RNF150: variants seen among roughly 807,000 people sequenced by gnomAD.
The protein encoded by RNF150 is ring finger protein 150.
Under a neutral mutation model 39.3 loss-of-function variants are expected in RNF150, and 24 were observed. The ratio of observed to expected loss-of-function variants is 0.61; its 90% CI spans 0.44 to 0.86. The LOEUF is 0.86. RNF150 is among the 40% of genes least tolerant of loss of function. The pLI, the probability that RNF150 is intolerant of heterozygous loss-of-function variation, is 0.00. For synonymous variants in RNF150, 255 were observed against 227.3 expected, an observed-to-expected ratio of 1.12 and a Z score of -1.10; for missense variants, 502 against 587.8, an observed-to-expected ratio of 0.85 and a Z score of 1.51.
At chr4:140,974,498 T>C (rs937969372) in intron 1 of RNF150, among the ~76,000 whole-genome samples, 3 of 152,222 alleles carry the variant, frequency 2.0e-5, no homozygotes, top group Non-Finnish European at 4.4e-5. Flanking sequence ...TAAATGTTCA[T>C]ATCTCTGGGA....
chr4:140,927,023 G>A (rs1031439430), intron 4 of RNF150, among the ~76,000 whole-genome samples: 1 of 152,166 alleles, frequency 6.6e-6, no homozygotes, highest in South Asian at 2.1e-4. Context: ...TTTCTATTCT[G>A]TTCTCTCACT....
intron 6 of RNF150, among the ~76,000 whole-genome samples, chr4:140,893,424 A>G (rs908285929): frequency 1.3e-5 from 2 of 152,252 alleles, no homozygotes; most frequent in African/African-American, 4.8e-5. Context: ...TTTGATATCA[A>G]TGCTATGTGG....
intron 1 of RNF150, among the ~76,000 whole-genome samples, chr4:141,194,532 T>C (rs1273652849): frequency 6.6e-6 from 1 of 152,210 alleles, no homozygotes; most frequent in East Asian, 1.9e-4. Context: ...TCTCAGACTG[T>C]TTTTAGGTTG....
chr4:141,067,425 T>G (rs577206340), intron 1 of RNF150, among the ~76,000 whole-genome samples: 1 of 152,198 alleles, frequency 6.6e-6, no homozygotes, highest in African/African-American at 2.4e-5. Flanking sequence ...TGCAATGAGT[T>G]GCCAGGGTAT....
At chr4:141,055,035 C>T (rs1451510096) in intron 1 of RNF150, among the ~76,000 whole-genome samples, 1 of 152,016 alleles carries the variant, frequency 6.6e-6, no homozygotes, top group East Asian at 1.9e-4. Context: ...AGTGAAACAA[C>T]TTTGGCTATA....
Position 140,860,937 on chromosome 4 carries a change from A to C in RNF150, c.*7324T>G, listed in dbSNP as rs1304176939. The C allele has an allele frequency of 2.6e-5, 4 of 152,166 alleles. No homozygotes were observed. The highest frequency in any genetic ancestry group is 9.7e-5 in the African/African-American group (4 of 41,444). The allele number at this position is 152,166 out of a possible 1,614,324, so 9.4% of individuals were successfully genotyped here. ...TCCCAGCTCATGAACATTTTAAAGA[A>C]CAATACCCATTTTTTTTTCCAGAAA... On this transcript the variant is annotated 3_prime_UTR_variant, in exon 7 of 7. Coordinates refer to ENST00000515673, the MANE Select transcript of RNF150 (RefSeq NM_020724.2).
chr4:140,932,903 T>C (rs539609342), intron 4 of RNF150, among the ~76,000 whole-genome samples: 8 of 152,356 alleles, frequency 5.3e-5, no homozygotes, highest in Admixed American at 2.0e-4. Flanking sequence ...CTGACTGCCA[T>C]GAGTAGATAC....
At chr4:140,957,601 G>C (rs1227355538) in intron 2 of RNF150, among the ~76,000 whole-genome samples, 1 of 151,972 alleles carries the variant, frequency 6.6e-6, no homozygotes, top group Non-Finnish European at 1.5e-5. Flanking sequence ...ACATGTACAC[G>C]TATGTTTATT....
At chr4:140,898,695 A>T (rs1248038237) in intron 6 of RNF150, among the ~76,000 whole-genome samples, 1 of 152,226 alleles carries the variant, frequency 6.6e-6, no homozygotes, top group Non-Finnish European at 1.5e-5. Context: ...TTTTTATCTC[A>T]GTTTTTTAAC....
chr4:140,904,797 G>C (rs1374192587), intron 6 of RNF150, among the ~76,000 whole-genome samples: 3 of 152,092 alleles, frequency 2.0e-5, no homozygotes, highest in African/African-American at 4.8e-5. Context: ...TCCTGTTCGG[G>C]GTGTGGTCAG....
chr4:140,953,560 A>C (rs1240434110), intron 2 of RNF150, among the ~76,000 whole-genome samples: 3 of 152,022 alleles, frequency 2.0e-5, no homozygotes, highest in Non-Finnish European at 2.9e-5. Flanking sequence ...GATTAACAAA[A>C]TTAGGGAAAA....
At chr4:141,165,260 T>C (rs564566373) in intron 1 of RNF150, among the ~76,000 whole-genome samples, 1 of 152,148 alleles carries the variant, frequency 6.6e-6, no homozygotes, top group Non-Finnish European at 1.5e-5. Context: ...ACCCTAAATA[T>C]ATATGCACCC....
intron 1 of RNF150, among the ~76,000 whole-genome samples, chr4:141,146,560 A>G (rs1208092830): frequency 7.7e-6 from 1 of 130,702 alleles, no homozygotes; most frequent in Non-Finnish European, 1.6e-5. Flanking sequence ...ATATGCAACA[A>G]CTGCTGTAAT....
chr4:140,973,691 A>C (rs528987576), intron 1 of RNF150, among the ~76,000 whole-genome samples: 78 of 152,194 alleles, frequency 5.1e-4, no homozygotes, highest in African/African-American at 1.8e-3. Flanking sequence ...AGCTTGACCA[A>C]CATGGTGAAA....
intron 5 of RNF150, among the ~76,000 whole-genome samples, chr4:140,917,153 G>C (rs1730868311): frequency 6.6e-6 from 1 of 152,192 alleles, no homozygotes; most frequent in South Asian, 2.1e-4. Flanking sequence ...AAAATAACCA[G>C]CTAACATCAC....
intron 1 of RNF150, among the ~76,000 whole-genome samples, chr4:141,101,884 C>T (rs1486681431): frequency 2.6e-5 from 4 of 152,126 alleles, no homozygotes; most frequent in South Asian, 2.1e-4. Flanking sequence ...GAGGTTCAAG[C>T]GATTCTCCTG....
intron 1 of RNF150, among the ~76,000 whole-genome samples, chr4:141,157,135 T>G (rs1727420323): frequency 6.6e-6 from 1 of 152,168 alleles, no homozygotes; most frequent in Admixed American, 6.5e-5. Context: ...CTCTTTGCTC[T>G]TCTACCTTCA....
intron 1 of RNF150, among the ~76,000 whole-genome samples, chr4:141,182,446 A>C (rs2111189985): frequency 8.1e-5 from 1 of 12,354 alleles, no homozygotes; most frequent in South Asian, 1.9e-3. Flanking sequence ...GTCTCAGCCC[A>C]AAATCTCCTT....
Position 141,132,787 on chromosome 4 carries a change from C to T in RNF150, c.22G>A (p.Ala8Thr). The T allele has an allele frequency of 1.9e-6, 3 of 1,609,276 alleles. No homozygotes were observed. Among genetic ancestry groups the T allele is most frequent in the Non-Finnish European group, 2.5e-6 (3 of 1,177,882 alleles). Residue 8 changes from alanine (A) to threonine (T), a missense_variant, in exon 1 of 7, where the codon GCG becomes ACG. By Grantham distance (58) the Ala-to-Thr change is moderately conservative. Coordinates refer to ENST00000515673, the MANE Select transcript of RNF150 (RefSeq NM_020724.2). This position sits in a 1 kb window ranked among gnomAD's most constrained non-coding sequence, Gnocchi z 4.9. ...GTTGAGAGAGCCAGACTGCAGCACG[C>T]TTGGATGAGAGACATTGCCATCTTT... The part of the protein sequence containing the change: MAMSLIQ[A>T]CCSLALSTWL...
Sources: gnomAD v4.1 joint callset for allele counts (sites outside exome capture counted in the v4.1 genomes callset) on GRCh38, gnomAD v4.1.1 for gene constraint, Gnocchi (gnomAD v3.1) non-coding constraint, MANE v1.5 for transcripts, NCBI Gene and HGNC (gene_info 2026-07-23, HGNC 2026-07-21) for gene names.